Variants in ARHGEF37 observed in about 807,000 individuals in gnomAD.
ARHGEF37 encodes the protein Rho guanine nucleotide exchange factor (GEF) 37.
Under a neutral mutation model 71.1 loss-of-function variants are expected in ARHGEF37, and 55 were observed. The observed-to-expected ratio is 0.77, with a 90% CI of 0.62 to 0.97. ARHGEF37 has a LOEUF of 0.97. ARHGEF37 is among the 50% of genes least tolerant of loss of function. ARHGEF37 has a pLI of 0.00. For missense variants in ARHGEF37, 765 were observed against 836.8 expected (o/e 0.91, Z 1.06); for synonymous variants, 327 against 350.6 (o/e 0.93, Z 0.75).
At position 149,588,198 on chromosome 5, in the gene ARHGEF37, TTTTG is replaced by T. The variant is rs3073427; in HGVS notation, c.-12+6603_-12+6606del. ...AGGCGTGAGCCACGGTGCCCGGCCT[TTTTG>T]TTTGTTTGTTTGTTTGTTTGTTTGT... On this transcript the variant is annotated intron_variant, in intron 1 of 12. Coordinates refer to ENST00000333677, the MANE Select transcript of ARHGEF37 (RefSeq NM_001001669.3). 1.8e-3 allele frequency among the ~76,000 whole-genome samples: 252 copies of T among 140,370 alleles called. 1 individual carries two copies. The highest frequency in any genetic ancestry group is 4.1e-3 in the Middle Eastern group (1 of 242). The allele number at this position is 140,370 out of a possible 152,430, so 92.1% of individuals were successfully genotyped here. A position where few individuals can be genotyped will look rare whatever the true frequency, so the allele number is the denominator to read the frequency against.
rs150598442 is a variant in ARHGEF37, at chr5:149,614,951, C to T, written c.459-1616C>T. Among the ~76,000 whole-genome samples, 30 of 152,214 alleles carry T rather than the reference C, an allele frequency of 2.0e-4. 1 individual carries two copies. In the East Asian group the frequency reaches 5.8e-3, roughly 29 times the overall value. ...ACACTTAGATGGCTGAGATTTGAAA[C>T]CTTTGTGGCTTTCTCCAATCTGGGC... is the stretch of plus-strand genomic sequence containing the variant. On this transcript the variant is annotated intron_variant, in intron 4 of 12. Coordinates refer to ENST00000333677, the MANE Select transcript of ARHGEF37 (RefSeq NM_001001669.3).
chr5:149,566,450 A>AT (rs1352644361), intron 1 of ARHGEF37, among the ~76,000 whole-genome samples: 1 of 152,018 alleles, frequency 6.6e-6, no homozygotes, highest in East Asian at 1.9e-4. Flanking sequence ...GTGAGCCAAG[A>AT]TTGTGCCACT....
At chr5:149,612,309 A>T (rs1752217901) in intron 4 of ARHGEF37, among the ~76,000 whole-genome samples, 2 of 152,120 alleles carry the variant, frequency 1.3e-5, no homozygotes, top group South Asian at 4.2e-4. Context: ...CTGGGACTAC[A>T]GGCGCCGGCC....
chr5:149,632,191 G>T lies in ARHGEF37; in HGVS notation c.2028G>T (p.Ter676TyrextTer11), dbSNP rs369054820. 6.2e-7 allele frequency: 1 copy of T among 1,613,732 alleles called. No homozygotes were observed. The highest frequency in any genetic ancestry group is 8.5e-7 in the Non-Finnish European group (1 of 1,179,858). ...TGTGGGGCTGGAGTCTGCCCTCTTA[G>T]GGTACCCTCTTTGGAGCCTACATTG... is the stretch of plus-strand genomic sequence containing the variant. Reference protein sequence around the residue: ...PVLWGWSLPS* With the variant: ...PVLWGWSLPSY Residue 676 changes from the stop codon to tyrosine, a stop_lost, in exon 13 of 13, where the codon TAG becomes TAT. Coordinates refer to ENST00000333677, the MANE Select transcript of ARHGEF37 (RefSeq NM_001001669.3).
At chr5:149,583,286 G>A (rs185987341) in intron 1 of ARHGEF37, among the ~76,000 whole-genome samples, 277 of 152,256 alleles carry the variant, frequency 1.8e-3, no homozygotes, top group Non-Finnish European at 3.3e-3. Context: ...ACAGGCACAC[G>A]CCACTATGCC....
intron 1 of ARHGEF37, among the ~76,000 whole-genome samples, chr5:149,574,425 G>A (rs541643137): frequency 1.3e-5 from 2 of 152,190 alleles, no homozygotes; most frequent in Admixed American, 1.3e-4. Flanking sequence ...TTACTAAAAG[G>A]CTGGGTCTCC....
intron 2 of ARHGEF37, among the ~76,000 whole-genome samples, chr5:149,598,736 TCA>T (rs1763649683): frequency 8.7e-6 from 1 of 114,298 alleles, no homozygotes; most frequent in African/African-American, 3.3e-5. Flanking sequence ...AAAATAAATC[TCA>T]TATATATATA....
chr5:149,569,443 C>T (rs1352562664), intron 1 of ARHGEF37, among the ~76,000 whole-genome samples: 15 of 151,940 alleles, frequency 9.9e-5, no homozygotes, highest in Admixed American at 9.2e-4. Flanking sequence ...CCTCAGCCTC[C>T]CCAGTAGCTG....
upstream of ARHGEF37, among the ~76,000 whole-genome samples, chr5:149,579,090 C>G (rs6861618): frequency 6.6e-6 from 1 of 152,002 alleles, no homozygotes; most frequent in African/African-American, 2.4e-5. Flanking sequence ...TTGACACTTA[C>G]GTCTAAAACC....
At position 149,621,795 on chromosome 5, in the gene ARHGEF37, C is replaced by T. The variant is rs1317873680; in HGVS notation, c.1068C>T (p.Gly356=). The T allele has an allele frequency of 3.1e-6, 5 of 1,614,228 alleles. No homozygotes were observed. The East Asian group carries it at 8.9e-5, about 29-fold the overall frequency. Residue 356 remains glycine, a synonymous_variant, in exon 9 of 13, where the codon GGC becomes GGT. Transcript: ENST00000333677. ...PLCSLAKALL[G]PQNLIKKRLD... is the part of the protein sequence containing the mutation. ...GCAGCCTGGCCAAAGCCCTGCTTGG[C>T]CCTCAGAACCTGATCAAGAAGCGTC...
rs118080436 is a variant in ARHGEF37, at chr5:149,617,295, T to C, written c.658+529T>C. ...ATCCACCCCTTGAGCTAAAGTGAGA[T>C]CAATCTCATCCAAACCACATGACTG... is the stretch of plus-strand genomic sequence containing the variant. On this transcript the variant is annotated intron_variant, in intron 5 of 12. Transcript: ENST00000333677. 2.8e-3 allele frequency among the ~76,000 whole-genome samples: 431 copies of C among 152,304 alleles called. 6 individuals carry two copies. Among genetic ancestry groups the C allele is most frequent in the Admixed American group, 0.019 (298 of 15,294 alleles).
chr5:149,619,835 C>T (rs890192238), intron 7 of ARHGEF37, among the ~76,000 whole-genome samples: 1 of 151,982 alleles, frequency 6.6e-6, no homozygotes, highest in South Asian at 2.1e-4. Flanking sequence ...TTTGGAAGGC[C>T]GAGGCGGGAA....
At chr5:149,563,632 G>T (rs754728082) in intron 1 of ARHGEF37, among the ~76,000 whole-genome samples, 22 of 152,274 alleles carry the variant, frequency 1.4e-4, no homozygotes, top group Non-Finnish European at 2.1e-4. Flanking sequence ...CAAGCCAAAG[G>T]TGACTTTCTC....
intron 4 of ARHGEF37, among the ~76,000 whole-genome samples, chr5:149,613,471 C>T (rs539232165): frequency 1.3e-5 from 2 of 151,728 alleles, no homozygotes; most frequent in Admixed American, 6.6e-5. Flanking sequence ...CTCAGCCTCC[C>T]GAGTAGCTGG....
intron 1 of ARHGEF37, chr5:149,552,181 C>A (rs1267090755): frequency 2.6e-5 from 2 of 76,088 alleles, no homozygotes; most frequent in Non-Finnish European, 5.0e-5. Context: ...ATTAATTTAA[C>A]AAGAGTGAAA....
upstream of ARHGEF37, among the ~76,000 whole-genome samples, chr5:149,578,749 C>T (rs541821975): frequency 5.3e-5 from 8 of 152,130 alleles, no homozygotes; most frequent in Non-Finnish European, 1.2e-4. Flanking sequence ...AGGTGATGTC[C>T]ATTTCTTTGT....
At chr5:149,582,930 A>C (rs1763141778) in intron 1 of ARHGEF37, among the ~76,000 whole-genome samples, 1 of 152,222 alleles carries the variant, frequency 6.6e-6, no homozygotes, top group Non-Finnish European at 1.5e-5. Context: ...TGAAAAAATA[A>C]AGTCAGCCCT....
At chr5:149,616,442 CAG>C (rs1752380396) in intron 4 of ARHGEF37, 123 bp from the exon 5 acceptor site, 2 of 845,116 alleles carry the variant, frequency 2.4e-6, no homozygotes, top group African/African-American at 3.4e-5. Context: ...TGGAGGATCG[CAG>C]AGAGGGGGTG....
intron 1 of ARHGEF37, among the ~76,000 whole-genome samples, chr5:149,569,697 A>C: frequency 6.6e-6 from 1 of 151,060 alleles, no homozygotes; most frequent in Non-Finnish European, 1.5e-5. Context: ...GCTCACTGCA[A>C]CCTCCGCCTC....
Sources: allele counts gnomAD v4.1 joint callset (sites outside exome capture counted in the v4.1 genomes callset), GRCh38; gene constraint gnomAD v4.1.1; transcripts MANE v1.5; gene names NCBI Gene and HGNC (gene_info 2026-07-23, HGNC 2026-07-21).